Variants in FAXC observed in about 807,000 individuals in gnomAD.
FAXC encodes failed axon connections homolog.
Under a neutral mutation model 41.9 loss-of-function variants are expected in FAXC, and 10 were observed. That is an observed-to-expected ratio of 0.24 (90% CI 0.15 to 0.41). The LOEUF (loss-of-function observed/expected upper bound fraction) is 0.41. Ranked by LOEUF, FAXC falls within the 10% of genes least tolerant of loss-of-function variation. The probability of loss-of-function intolerance (pLI) is 1.00; values close to 1 mark genes in which losing one functional copy is unlikely to be tolerated. For synonymous variants in FAXC, 183 were observed against 183.8 expected (o/e 1.00, Z 0.03); for missense variants, 399 against 510.9 (o/e 0.78, Z 2.11).
At position 99,335,962 on chromosome 6, in the gene FAXC, A is replaced by T. The variant is rs546674458; in HGVS notation, c.403-2415T>A. Reference sequence around the variant, plus strand: ...ACATAGATGAATGAAAAAACATTTTAAAAAAAAAGAGACTTACAAACATGT... The same window carrying T: ...ACATAGATGAATGAAAAAACATTTTTAAAAAAAAGAGACTTACAAACATGT... On this transcript the variant is annotated intron_variant, in intron 2 of 5. Transcript: ENST00000389677. Among the ~76,000 whole-genome samples, 105 of 151,702 alleles carry T rather than the reference A, an allele frequency of 6.9e-4. 1 individual carries two copies. Among genetic ancestry groups the T allele is most frequent in the Middle Eastern group, 6.8e-3 (2 of 294 alleles).
intron 4 of FAXC, among the ~76,000 whole-genome samples, chr6:99,311,261 C>G (rs1772143172): frequency 6.6e-6 from 1 of 152,188 alleles, no homozygotes; most frequent in African/African-American, 2.4e-5. Context: ...AATGACTCTA[C>G]TCTTCTCCCC....
chr6:99,303,464 C>G (rs1262221769), intron 4 of FAXC, among the ~76,000 whole-genome samples: 1 of 152,170 alleles, frequency 6.6e-6, no homozygotes, highest in East Asian at 1.9e-4. Context: ...GGGGTTCAAC[C>G]AAGGACGTGT....
At chr6:99,311,945 G>A (rs577960617) in intron 4 of FAXC, among the ~76,000 whole-genome samples, 1 of 152,240 alleles carries the variant, frequency 6.6e-6, no homozygotes, top group Non-Finnish European at 1.5e-5. Context: ...TTACCTGATA[G>A]CTTTACTTCT....
Position 99,273,492 on chromosome 6 carries a change from C to T in FAXC, c.*7672G>A, listed in dbSNP as rs1191160353. 1 of 149,144 alleles carries T rather than the reference C, an allele frequency of 6.7e-6. No individual in the cohort carries two copies. The highest frequency in any genetic ancestry group is 1.5e-5 in the Non-Finnish European group (1 of 67,546). The allele number at this position is 149,144 out of a possible 1,614,324, so 9.2% of individuals were successfully genotyped here. A position where few individuals can be genotyped will look rare whatever the true frequency, so the allele number is the denominator to read the frequency against. On this transcript the variant is annotated 3_prime_UTR_variant, in exon 6 of 6. Transcript: ENST00000389677. ...TACTTTCTTTTCTTGTTTTGCTTAC[C>T]TCAGTGTGTTGTTAAATCTTTCTGG... is the stretch of plus-strand genomic sequence containing the variant.
At chr6:99,348,991 G>T in intron 1 of FAXC, 116 bp downstream of exon 1, 1 of 973,552 alleles carries the variant, frequency 1.0e-6, no homozygotes, top group Non-Finnish European at 1.5e-6. Flanking sequence ...ATTGCAGGGC[G>T]CTTGGGCATC....
chr6:99,300,090 T>C (rs1771648488), intron 4 of FAXC, among the ~76,000 whole-genome samples: 1 of 152,138 alleles, frequency 6.6e-6, no homozygotes, highest in Admixed American at 6.6e-5. Context: ...CTCGACACCT[T>C]CCTCACTGGC....
In FAXC at chr6:99,281,110, G is replaced by A; in HGVS notation, c.*54C>T. 1 of 855,248 alleles carries A rather than the reference G, an allele frequency of 1.2e-6. No homozygotes were observed. Among genetic ancestry groups the A allele is most frequent in the Admixed American group, 1.7e-5 (1 of 57,266 alleles). 53.0% of individuals were successfully genotyped at this position (855,248 alleles called of 1,614,324 possible). On this transcript the variant is annotated 3_prime_UTR_variant, in exon 6 of 6. Coordinates refer to ENST00000389677, the MANE Select transcript of FAXC (RefSeq NM_032511.4). ...CGGATGGATTGCTACCTGGGAAAAT[G>A]GACCGACCCAGGGAGTGGCAGGTCC...
intron 4 of FAXC, among the ~76,000 whole-genome samples, chr6:99,311,602 CA>C (rs770463170): frequency 5.7e-4 from 86 of 152,096 alleles, no homozygotes; most frequent in Non-Finnish European, 1.1e-3. Flanking sequence ...TACATACATA[CA>C]TACATAAATA....
Position 99,280,279 on chromosome 6 carries a change from G to C in FAXC, c.*885C>G, listed in dbSNP as rs778549143. Reference sequence around the variant, plus strand: ...GATTACAGAAAGGAATCATGACAAAGTCCTAAGTGTACCTTTGTGTGTATT... The same window carrying C: ...GATTACAGAAAGGAATCATGACAAACTCCTAAGTGTACCTTTGTGTGTATT... On this transcript the variant is annotated 3_prime_UTR_variant, in exon 6 of 6. Transcript: ENST00000389677. 1.3e-5 allele frequency: 2 copies of C among 152,202 alleles called. No individual in the cohort carries two copies. Among genetic ancestry groups the C allele is most frequent in the Non-Finnish European group, 2.9e-5 (2 of 68,028 alleles). The allele number at this position is 152,202 out of a possible 1,614,324, so 9.4% of individuals were successfully genotyped here.
At chr6:99,340,785 C>T (rs1340244205) in intron 2 of FAXC, among the ~76,000 whole-genome samples, 5 of 151,234 alleles carry the variant, frequency 3.3e-5, no homozygotes, top group South Asian at 4.2e-4. Context: ...TCTCCTGCCT[C>T]AGCCTCCCAA....
At chr6:99,337,324 A>T (rs1051809580) in intron 2 of FAXC, among the ~76,000 whole-genome samples, 2 of 152,024 alleles carry the variant, frequency 1.3e-5, no homozygotes, top group Non-Finnish European at 2.9e-5. Flanking sequence ...GTTAGGGCTG[A>T]CAGCTGAGGC....
chr6:99,281,053 ACT>A lies in FAXC; in HGVS notation c.*109_*110del. 2 of 694,966 alleles carry A rather than the reference ACT, an allele frequency of 2.9e-6. No homozygotes were observed. The highest frequency in any genetic ancestry group is 5.3e-6 in the Non-Finnish European group (2 of 379,466). The allele number at this position is 694,966 out of a possible 1,614,324, so 43.0% of individuals were successfully genotyped here. A position where few individuals can be genotyped will look rare whatever the true frequency, so the allele number is the denominator to read the frequency against. On this transcript the variant is annotated 3_prime_UTR_variant, in exon 6 of 6. Coordinates refer to ENST00000389677, the MANE Select transcript of FAXC (RefSeq NM_032511.4). Reference sequence around the variant, plus strand: ...GCTATAGTCCAGTTAGCATGTGAAAACTCTGCCAAGCACGAAGATCTCCTCCC... The same window carrying A: ...GCTATAGTCCAGTTAGCATGTGAAAACTGCCAAGCACGAAGATCTCCTCCC...
intron 4 of FAXC, among the ~76,000 whole-genome samples, chr6:99,302,882 CAA>C (rs967669389): frequency 3.0e-5 from 4 of 131,232 alleles, no homozygotes; most frequent in African/African-American, 1.1e-4. Flanking sequence ...TACTTCTGTA[CAA>C]AAAAAAAAAT....
intron 5 of FAXC, among the ~76,000 whole-genome samples, chr6:99,288,354 T>C (rs1771099218): frequency 6.6e-6 from 1 of 151,678 alleles, no homozygotes; most frequent in South Asian, 2.1e-4. Context: ...GTGTGGGGGG[T>C]TGTATAGAGC....
Position 99,280,196 on chromosome 6 carries a change from C to T in FAXC, c.*968G>A, listed in dbSNP as rs1375104469. On this transcript the variant is annotated 3_prime_UTR_variant, in exon 6 of 6. Transcript: ENST00000389677. ...AGAATTGAAGACTGTTTGTAGCTGT[C>T]GATAATTTGTAAAAACATTTCCAAT... is the stretch of plus-strand genomic sequence containing the variant. The T allele has an allele frequency of 6.6e-6, 1 of 152,064 alleles. No homozygotes were observed. Among genetic ancestry groups the T allele is most frequent in the Non-Finnish European group, 1.5e-5 (1 of 68,018 alleles). 9.4% of individuals were successfully genotyped at this position (152,064 alleles called of 1,614,324 possible). A position where few individuals can be genotyped will look rare whatever the true frequency, so the allele number is the denominator to read the frequency against.
chr6:99,289,144 T>C (rs1033333398), intron 5 of FAXC, among the ~76,000 whole-genome samples: 3 of 152,142 alleles, frequency 2.0e-5, no homozygotes, highest in African/African-American at 7.2e-5. Context: ...GCATAAACAT[T>C]TTGATTAATT....
At chr6:99,344,256 C>G (rs1445458076) in intron 1 of FAXC, among the ~76,000 whole-genome samples, 3 of 152,176 alleles carry the variant, frequency 2.0e-5, no homozygotes, top group Non-Finnish European at 4.4e-5. Context: ...CCTGCAAGCT[C>G]ATCATTCCAC....
intron 4 of FAXC, among the ~76,000 whole-genome samples, chr6:99,312,259 A>G (rs1772180895): frequency 6.6e-6 from 1 of 152,224 alleles, no homozygotes; most frequent in African/African-American, 2.4e-5. Flanking sequence ...TGAAAAAGAA[A>G]GCACCAGCTG....
At chr6:99,287,856 A>G (rs1015127445) in intron 5 of FAXC, among the ~76,000 whole-genome samples, 1 of 152,166 alleles carries the variant, frequency 6.6e-6, no homozygotes, top group South Asian at 2.1e-4. Context: ...CTCCCCTCCA[A>G]AGATTTAGAA....
Sources: gnomAD v4.1 joint callset for allele counts (sites outside exome capture counted in the v4.1 genomes callset) on GRCh38, gnomAD v4.1.1 for gene constraint, MANE v1.5 for transcripts, NCBI Gene and HGNC (gene_info 2026-07-23, HGNC 2026-07-21) for gene names.